The following MIPEP variants were observed in gnomAD, a reference collection of about 807,000 sequenced individuals.
MIPEP encodes the protein mitochondrial intermediate peptidase.
A neutral mutation model predicts 90.3 loss-of-function variants in MIPEP; 79 were observed. That is an observed-to-expected ratio of 0.87 (90% CI 0.73 to 1.05). The LOEUF (loss-of-function observed/expected upper bound fraction) is 1.05. MIPEP is among the 50% of genes least tolerant of loss of function. The pLI, the probability that MIPEP is intolerant of heterozygous loss-of-function variation, is 0.00. For missense variants in MIPEP, 940 were observed against 905.6 expected, an observed-to-expected ratio of 1.04 and a Z score of -0.49; for synonymous variants, 334 against 315.8, an observed-to-expected ratio of 1.06 and a Z score of -0.61.
chr13:23,757,705 C>T (rs543859231), intron 17 of MIPEP, among the ~76,000 whole-genome samples: 2 of 152,214 alleles, frequency 1.3e-5, no homozygotes, highest in African/African-American at 2.4e-5. Context: ...GCCTTGTTCC[C>T]GTCTTCTGGT....
chr13:23,736,281 A>C (rs1403208279), intron 18 of MIPEP, among the ~76,000 whole-genome samples: 2 of 152,230 alleles, frequency 1.3e-5, no homozygotes, highest in Non-Finnish European at 2.9e-5. Flanking sequence ...GAAAGACAAA[A>C]TTGCATCAGG....
At position 23,873,237 on chromosome 13, in the gene MIPEP, T is replaced by C. The variant is rs138194463; in HGVS notation, c.603+1609A>G. Among the ~76,000 whole-genome samples the C allele has an allele frequency of 3.7e-3, 563 of 152,306 alleles. No individual in the cohort carries two copies. The Middle Eastern group carries it at 0.065, about 17-fold the overall frequency. ...AACACATGGGGGAGGACACTGTGTATGAGGGGCTGACAGCCGGAGCACAGC... is the reference window on the plus strand; with the variant it reads ...AACACATGGGGGAGGACACTGTGTACGAGGGGCTGACAGCCGGAGCACAGC... On this transcript the variant is annotated intron_variant, in intron 5 of 18. Coordinates refer to ENST00000382172, the MANE Select transcript of MIPEP (RefSeq NM_005932.4).
chr13:23,832,807 T>C (rs1238308472), intron 14 of MIPEP, among the ~76,000 whole-genome samples: 1 of 152,234 alleles, frequency 6.6e-6, no homozygotes, highest in Non-Finnish European at 1.5e-5. Context: ...ACCTGTGGTA[T>C]TGATTTCAAG....
chr13:23,743,889 A>G (rs548960527), intron 18 of MIPEP, among the ~76,000 whole-genome samples: 2 of 152,354 alleles, frequency 1.3e-5, no homozygotes, highest in East Asian at 3.9e-4. Context: ...TCTTCCAAAA[A>G]GCTTTCAGCG....
chr13:23,766,569 GCTCT>G (rs74336959), intron 16 of MIPEP, among the ~76,000 whole-genome samples: 10 of 150,404 alleles, frequency 6.6e-5, no homozygotes, highest in East Asian at 1.9e-4. Context: ...ACACATCCAT[GCTCT>G]CTCTCTCTCT....
rs958601733 is a variant in MIPEP, at chr13:23,889,240, G to T, written c.81C>A (p.Leu27=). 24 of 1,402,420 alleles carry T rather than the reference G, an allele frequency of 1.7e-5. No homozygotes were observed. The East Asian group carries it at 1.8e-4, about 11-fold the overall frequency. The allele number at this position is 1,402,420 out of a possible 1,614,324, so 86.9% of individuals were successfully genotyped here. Residue 27 remains leucine (L), a synonymous_variant, in exon 1 of 19, where the codon CTC becomes CTA. Coordinates refer to ENST00000382172, the MANE Select transcript of MIPEP (RefSeq NM_005932.4). ...LPPRRAGRGS[L]EAGIRARRVS... ...CCCTTCGGGCCCGGATCCCGGCTTC[G>T]AGGCTTCCCCGGCCCGCCCGGCGGG...
At chr13:23,864,047 C>T in intron 8 of MIPEP, 94 bp downstream of exon 8, 1 of 712,722 alleles carries the variant, frequency 1.4e-6, no homozygotes, top group Non-Finnish European at 2.3e-6. Flanking sequence ...AACTTATATT[C>T]TAGGTCACTT....
chr13:23,784,046 C>A (rs1430663483), intron 16 of MIPEP, among the ~76,000 whole-genome samples: 1 of 151,188 alleles, frequency 6.6e-6, no homozygotes, highest in African/African-American at 2.4e-5. Context: ...TTATAGATTC[C>A]CCATCTATAA....
intron 16 of MIPEP, among the ~76,000 whole-genome samples, chr13:23,802,424 C>A (rs1953054149): frequency 6.6e-6 from 1 of 151,978 alleles, no homozygotes; most frequent in African/African-American, 2.4e-5. Flanking sequence ...AAAAATTAGG[C>A]AGGTATGGTG....
intron 1 of MIPEP, 130 bp from the exon 2 acceptor site, chr13:23,886,636 C>A (rs1040659947): frequency 1.2e-5 from 7 of 569,956 alleles, no homozygotes; most frequent in African/African-American, 1.9e-5. Flanking sequence ...TACCTGTGAT[C>A]ACAGATACCA....
At chr13:23,794,581 A>C (rs766104747) in intron 16 of MIPEP, among the ~76,000 whole-genome samples, 71 of 152,304 alleles carry the variant, frequency 4.7e-4, no homozygotes, top group Middle Eastern at 6.8e-3. Context: ...AAGATACAAA[A>C]GTTTACCTGG....
chr13:23,803,891 C>CT (rs1205397934), intron 16 of MIPEP, among the ~76,000 whole-genome samples: 5 of 140,084 alleles, frequency 3.6e-5, no homozygotes, highest in Admixed American at 3.2e-4. Flanking sequence ...AAAATAATGT[C>CT]TTTTTTTCTC....
At chr13:23,884,504 G>A (rs560113845) in intron 2 of MIPEP, among the ~76,000 whole-genome samples, 1 of 152,292 alleles carries the variant, frequency 6.6e-6, no homozygotes, top group Non-Finnish European at 1.5e-5. Flanking sequence ...AGAAGAGCTC[G>A]ACAGATACCC....
Position 23,831,093 on chromosome 13 carries a change from G to T in MIPEP, c.1653+5147C>A, listed in dbSNP as rs139381983. ...AGCATCTGGACTACTCAGGGGCTGG[G>T]CTAAGTCAATTAGGACACATATATT... On this transcript the variant is annotated intron_variant, in intron 14 of 18. Transcript: ENST00000382172. 3.2e-3 allele frequency among the ~76,000 whole-genome samples: 486 copies of T among 152,240 alleles called. 3 individuals are homozygous for T. Among genetic ancestry groups the T allele is most frequent in the African/African-American group, 0.011 (472 of 41,534 alleles).
chr13:23,738,203 T>C (rs932246462), intron 18 of MIPEP, among the ~76,000 whole-genome samples: 5 of 152,334 alleles, frequency 3.3e-5, no homozygotes, highest in Non-Finnish European at 5.9e-5. Context: ...AGATGTTATA[T>C]ATCAAGCTTG....
chr13:23,886,276 T>C, intron 2 of MIPEP, 57 bp downstream of exon 2: 1 of 1,320,188 alleles, frequency 7.6e-7, no homozygotes, highest in African/African-American at 1.5e-5. Flanking sequence ...TAAATTTCAC[T>C]TAAATTTTAA....
chr13:23,748,293 A>T (rs1166250736), intron 18 of MIPEP, among the ~76,000 whole-genome samples: 1 of 151,672 alleles, frequency 6.6e-6, no homozygotes, highest in Non-Finnish European at 1.5e-5. Flanking sequence ...ACAAATATTT[A>T]TTGAATGCCG....
At chr13:23,861,605 T>C (rs898361864) in intron 9 of MIPEP, among the ~76,000 whole-genome samples, 2 of 152,198 alleles carry the variant, frequency 1.3e-5, no homozygotes, top group Non-Finnish European at 2.9e-5. Context: ...ACTATGGCTC[T>C]GGCAGCAGCA....
At chr13:23,848,661 G>T (rs951159031) in intron 10 of MIPEP, among the ~76,000 whole-genome samples, 1 of 152,156 alleles carries the variant, frequency 6.6e-6, no homozygotes, top group Non-Finnish European at 1.5e-5. Flanking sequence ...GAAAGATGAG[G>T]CTCCTAGAAG....
Sources: gnomAD v4.1 joint callset for allele counts (sites outside exome capture counted in the v4.1 genomes callset) on GRCh38, gnomAD v4.1.1 for gene constraint, MANE v1.5 for transcripts, NCBI Gene and HGNC (gene_info 2026-07-23, HGNC 2026-07-21) for gene names.